The following GBE1 variants were observed in gnomAD, a reference collection of about 807,000 sequenced individuals.
The protein encoded by GBE1 is 1,4-alpha-glucan branching enzyme 1, also known as 1,4-alpha-glucan-branching enzyme.
Under a neutral mutation model 88.8 loss-of-function variants are expected in GBE1, and 70 were observed. The ratio of observed to expected loss-of-function variants is 0.79; its 90% confidence interval spans 0.65 to 0.96. The LOEUF (loss-of-function observed/expected upper bound fraction) is 0.96. Among genes scored for constraint, GBE1 ranks in the 40% least tolerant of loss-of-function variants. GBE1 has a pLI of 0.00. For missense variants in GBE1, 872 were observed against 871.0 expected (o/e 1.00, Z -0.01); for synonymous variants, 284 against 300.1 (o/e 0.95, Z 0.56).
intron 1 of GBE1, among the ~76,000 whole-genome samples, chr3:81,723,588 G>A (rs867723878): frequency 4.4e-4 from 67 of 151,916 alleles, no homozygotes; most frequent in African/African-American, 1.6e-3. Flanking sequence ...CCCAGTGATC[G>A]ATCTATTTTA....
At position 81,672,450 on chromosome 3, in the gene GBE1, T is replaced by C. The variant is rs114417192; in HGVS notation, c.314-1497A>G. Reference sequence around the variant, plus strand: ...ACAATGGTATAAAATGAATGGATTATAGTACCAACATATGCAAATATCCCA... The same window carrying C: ...ACAATGGTATAAAATGAATGGATTACAGTACCAACATATGCAAATATCCCA... On this transcript the variant is annotated intron_variant, in intron 2 of 15. Coordinates refer to ENST00000429644, the MANE Select transcript of GBE1 (RefSeq NM_000158.4). Among the ~76,000 whole-genome samples, 1,259 of 152,128 alleles carry C rather than the reference T, an allele frequency of 8.3e-3. 11 individuals carry two copies. The highest frequency in any genetic ancestry group is 0.014 in the Non-Finnish European group (932 of 67,870).
chr3:81,683,500 C>A (rs997746082), intron 2 of GBE1, among the ~76,000 whole-genome samples: 2 of 152,114 alleles, frequency 1.3e-5, no homozygotes, highest in African/African-American at 4.8e-5. Context: ...AAGGCTTTTG[C>A]CAAGGTAGAA....
rs1702419923 is a variant in GBE1 at position 81,490,286 on chromosome 3, C to A, written c.*121G>T. The A allele has an allele frequency of 2.5e-6, 2 of 806,702 alleles. No homozygotes were observed. The highest frequency in any genetic ancestry group is 4.5e-5 in the Admixed American group (2 of 44,902). The allele number at this position is 806,702 out of a possible 1,614,324, so 50.0% of individuals were successfully genotyped here. On this transcript the variant is annotated 3_prime_UTR_variant, in exon 16 of 16. Transcript: ENST00000429644. ...GCATAAACCAATATTGAATTTCAGA[C>A]ACTTGATGGCTTGGCTAGACAACTG...
chr3:81,491,937 T>A (rs1156275219), intron 15 of GBE1, among the ~76,000 whole-genome samples: 1 of 152,202 alleles, frequency 6.6e-6, no homozygotes, highest in East Asian at 1.9e-4. Flanking sequence ...ATACAGCTGG[T>A]TAGTTTTTAA....
At chr3:81,603,913 T>C (rs1220405125) in intron 7 of GBE1, among the ~76,000 whole-genome samples, 2 of 152,198 alleles carry the variant, frequency 1.3e-5, no homozygotes, top group African/African-American at 2.4e-5. Context: ...CAAAAGTTTA[T>C]GACATTAAAT....
At chr3:81,726,006 A>G (rs867061147) in intron 1 of GBE1, among the ~76,000 whole-genome samples, 1 of 151,674 alleles carries the variant, frequency 6.6e-6, no homozygotes, top group African/African-American at 2.4e-5. Context: ...AATGCTCAAC[A>G]TATTTCTTCT....
intron 7 of GBE1, among the ~76,000 whole-genome samples, chr3:81,598,185 T>C (rs1242041849): frequency 1.3e-5 from 2 of 151,942 alleles, no homozygotes; most frequent in East Asian, 3.8e-4. Context: ...CTACTAATAT[T>C]GTATATTAAT....
chr3:81,754,798 TA>T (rs1706579290), intron 1 of GBE1, among the ~76,000 whole-genome samples: 1 of 152,162 alleles, frequency 6.6e-6, no homozygotes, highest in African/African-American at 2.4e-5. Context: ...ACTAGACCCC[TA>T]ATATCTCATC....
intron 12 of GBE1, among the ~76,000 whole-genome samples, chr3:81,566,977 G>A (rs1489500501): frequency 2.0e-5 from 3 of 151,934 alleles, no homozygotes; most frequent in East Asian, 1.9e-4. Flanking sequence ...AACCTCTCTC[G>A]ATCCCCATCC....
intron 1 of GBE1, among the ~76,000 whole-genome samples, chr3:81,750,394 TCTC>T (rs941667721): frequency 2.7e-5 from 4 of 150,346 alleles, no homozygotes; most frequent in African/African-American, 9.8e-5. Flanking sequence ...TTAATTTTGT[TCTC>T]CTTTTCTTTT....
chr3:81,701,429 A>G (rs1238232214), intron 2 of GBE1, among the ~76,000 whole-genome samples: 2 of 152,060 alleles, frequency 1.3e-5, no homozygotes, highest in East Asian at 3.8e-4. Flanking sequence ...AAAACAGACT[A>G]TTTTACTTTT....
At position 81,528,628 on chromosome 3, in the gene GBE1, T is replaced by G. The variant is rs528370666; in HGVS notation, c.1934+6567A>C. Reference sequence around the variant, plus strand: ...TGAGGTGTATCTCTCTCTTTAGCTCTAATAATATTTGCTTTATATATATGG... The same window carrying G: ...TGAGGTGTATCTCTCTCTTTAGCTCGAATAATATTTGCTTTATATATATGG... On this transcript the variant is annotated intron_variant, in intron 14 of 15. Coordinates refer to ENST00000429644, the MANE Select transcript of GBE1 (RefSeq NM_000158.4). Among the ~76,000 whole-genome samples, 7 of 152,144 alleles carry G rather than the reference T, an allele frequency of 4.6e-5. No individual in the cohort carries two copies. In the East Asian group the frequency reaches 1.4e-3, roughly 30 times the overall value.
At position 81,490,369 on chromosome 3, in the gene GBE1, C is replaced by A; in HGVS notation, c.*38G>T. On this transcript the variant is annotated 3_prime_UTR_variant, in exon 16 of 16. Transcript: ENST00000429644. Reference sequence around the variant, plus strand: ...TGACAGTGATAACAAGAAAACAAAACACAAATCTGCATCTGGTGGAGCTGA... The same window carrying A: ...TGACAGTGATAACAAGAAAACAAAAAACAAATCTGCATCTGGTGGAGCTGA... The A allele has an allele frequency of 6.4e-7, 1 of 1,561,598 alleles. No individual in the cohort carries two copies.
At chr3:81,491,390 C>T (rs1702434367) in intron 15 of GBE1, among the ~76,000 whole-genome samples, 1 of 152,102 alleles carries the variant, frequency 6.6e-6, no homozygotes, top group South Asian at 2.1e-4. Flanking sequence ...TTATTTCTAA[C>T]CCTCAGTTGG....
chr3:81,687,344 G>A (rs1705456220), intron 2 of GBE1, among the ~76,000 whole-genome samples: 1 of 152,156 alleles, frequency 6.6e-6, no homozygotes. Context: ...AAAAGAAAAT[G>A]GGATTCAAAG....
At position 81,584,462 on chromosome 3, in the gene GBE1, A is replaced by G. The variant is rs531269782; in HGVS notation, c.1335+1630T>C. ...CCAGTTACAAAAGTAGAGGAAAATC[A>G]CTATGTCTAAGGGTTTTATTGTAAT... On this transcript the variant is annotated intron_variant, in intron 10 of 15. Transcript: ENST00000429644. Among the ~76,000 whole-genome samples the G allele has an allele frequency of 2.0e-5, 3 of 152,192 alleles. No homozygotes were observed. In the East Asian group the frequency reaches 5.8e-4, roughly 29 times the overall value.
chr3:81,726,589 T>C (rs1339446865), intron 1 of GBE1, among the ~76,000 whole-genome samples: 1 of 151,594 alleles, frequency 6.6e-6, no homozygotes, highest in East Asian at 1.9e-4. Context: ...TGCAGACTTT[T>C]TTTTTTTTTT....
intron 12 of GBE1, among the ~76,000 whole-genome samples, chr3:81,549,906 T>G (rs1703250769): frequency 6.6e-6 from 1 of 151,492 alleles, no homozygotes. Flanking sequence ...ATTAATAGAT[T>G]CTAGTCTCAT....
At chr3:81,631,692 A>G (rs866054132) in intron 7 of GBE1, among the ~76,000 whole-genome samples, 3 of 151,614 alleles carry the variant, frequency 2.0e-5, no homozygotes, top group African/African-American at 7.3e-5. Context: ...AATTGTCGTA[A>G]GCCGAGATTG....
Sources: gnomAD v4.1 joint callset for allele counts (sites outside exome capture counted in the v4.1 genomes callset) on GRCh38, gnomAD v4.1.1 for gene constraint, MANE v1.5 for transcripts, NCBI Gene and HGNC (gene_info 2026-07-23, HGNC 2026-07-21) for gene names.